CCSER1: variants seen among roughly 807,000 people sequenced by gnomAD.
CCSER1 encodes serine-rich coiled-coil domain-containing protein 1.
In CCSER1, 41 loss-of-function variants were observed where a neutral mutation model predicts 82.0. The observed-to-expected ratio is 0.50, with a 90% CI of 0.39 to 0.65. The LOEUF is 0.65. Ranked by LOEUF, CCSER1 falls within the 30% of genes least tolerant of loss-of-function variation. The pLI is 0.00. For missense variants in CCSER1, 1,119 were observed against 1,064.2 expected (o/e 1.05, Z -0.72); for synonymous variants, 414 against 383.9 (o/e 1.08, Z -0.92).
chr4:90,379,175 C>A (rs1328740593), intron 3 of CCSER1, among the ~76,000 whole-genome samples: 1 of 152,170 alleles, frequency 6.6e-6, no homozygotes, highest in African/African-American at 2.4e-5. Flanking sequence ...TTGGGTCCGG[C>A]AGCTCTTCAG....
chr4:91,081,435 G>A (rs1417442355), intron 9 of CCSER1, among the ~76,000 whole-genome samples: 1 of 152,120 alleles, frequency 6.6e-6, no homozygotes, highest in Non-Finnish European at 1.5e-5. Context: ...AGCTATTTAT[G>A]ACAAACCCAC....
intron 8 of CCSER1, among the ~76,000 whole-genome samples, chr4:90,837,946 T>G (rs1285008469): frequency 1.3e-5 from 2 of 152,176 alleles, no homozygotes; most frequent in Admixed American, 1.3e-4. Flanking sequence ...GTGCTTAGTT[T>G]TTTTAGAATT....
intron 7 of CCSER1, among the ~76,000 whole-genome samples, chr4:90,793,037 A>AAAAAC (rs1755487436): frequency 6.6e-6 from 1 of 152,204 alleles, no homozygotes; most frequent in Non-Finnish European, 1.5e-5. Flanking sequence ...TTTAAAAAAT[A>AAAAAC]AAAACAAAAC....
chr4:91,113,518 A>T (rs527628742), intron 10 of CCSER1, among the ~76,000 whole-genome samples: 1 of 152,220 alleles, frequency 6.6e-6, no homozygotes, highest in Non-Finnish European at 1.5e-5. Flanking sequence ...TTCTGCCATC[A>T]AGCCCGTGGT....
intron 1 of CCSER1, among the ~76,000 whole-genome samples, chr4:90,140,785 C>T (rs2153335496): frequency 6.6e-6 from 1 of 150,418 alleles, no homozygotes; most frequent in East Asian, 2.0e-4. Flanking sequence ...CTGCCTCTGC[C>T]TCCTGAGTAG....
chr4:90,750,638 G>A lies in CCSER1; in HGVS notation c.2010+26647G>A, dbSNP rs1561070210. Among the ~76,000 whole-genome samples the A allele has an allele frequency of 2.0e-5, 3 of 152,024 alleles. No homozygotes were observed. The South Asian group carries it at 6.2e-4, about 32-fold the overall frequency. ...TGCTCCTCTCTTTATACTTTCTGCC[G>A]ATATAGAGATATTTAGTATTAATGT... is the stretch of plus-strand genomic sequence containing the variant. On this transcript the variant is annotated intron_variant, in intron 7 of 10. Coordinates refer to ENST00000509176, the MANE Select transcript of CCSER1 (RefSeq NM_001145065.2).
intron 10 of CCSER1, among the ~76,000 whole-genome samples, chr4:91,145,545 G>T (rs973501262): frequency 3.9e-5 from 6 of 152,034 alleles, no homozygotes; most frequent in African/African-American, 1.4e-4. Context: ...ACATTTTAGG[G>T]TCTGTGGGCT....
chr4:90,648,297 G>GAAAGGAAAGAAAGAAAGAAAGA (rs1553969719), intron 6 of CCSER1, among the ~76,000 whole-genome samples: 1 of 142,268 alleles, frequency 7.0e-6, no homozygotes, highest in Non-Finnish European at 1.5e-5. Context: ...AAGAAAGAAA[G>GAAAGGAAAGAAAGAAAGAAAGA]AAAGAAAGAA....
rs570867891 is a variant in CCSER1 at position 91,059,727 on chromosome 4, T to G, written c.2173-26223T>G. 3.2e-4 allele frequency among the ~76,000 whole-genome samples: 48 copies of G among 152,064 alleles called. 1 individual carries two copies. The South Asian group carries it at 9.5e-3, about 30-fold the overall frequency. ...TTGTGACCATGTGACCACTTCCTAG[T>G]TTTTAGAAAAACTAATTCCACCTAG... On this transcript the variant is annotated intron_variant, in intron 9 of 10. Coordinates refer to ENST00000509176, the MANE Select transcript of CCSER1 (RefSeq NM_001145065.2).
chr4:91,246,207 T>A (rs1420742662), intron 10 of CCSER1, among the ~76,000 whole-genome samples: 2 of 152,166 alleles, frequency 1.3e-5, no homozygotes, highest in Non-Finnish European at 2.9e-5. Context: ...AACAGAAAGT[T>A]AAAAAGCAGG....
chr4:91,042,673 C>T (rs1742072043), intron 9 of CCSER1, among the ~76,000 whole-genome samples: 1 of 152,022 alleles, frequency 6.6e-6, no homozygotes, highest in Admixed American at 6.6e-5. Flanking sequence ...AGTTGTTCTG[C>T]AAGAAACAGG....
intron 5 of CCSER1, among the ~76,000 whole-genome samples, chr4:90,509,559 C>T (rs1426708526): frequency 6.6e-6 from 1 of 152,052 alleles, no homozygotes; most frequent in Non-Finnish European, 1.5e-5. Flanking sequence ...AGCCAAGTAC[C>T]ATCTTTAACC....
intron 9 of CCSER1, among the ~76,000 whole-genome samples, chr4:91,029,759 T>A (rs535161101): frequency 6.6e-6 from 1 of 152,230 alleles, no homozygotes; most frequent in South Asian, 2.1e-4. Flanking sequence ...TCTACATCAA[T>A]GAGCTGTTCT....
intron 7 of CCSER1, among the ~76,000 whole-genome samples, chr4:90,759,479 C>T (rs2149514019): frequency 6.6e-6 from 1 of 152,240 alleles, no homozygotes; most frequent in South Asian, 2.1e-4. Flanking sequence ...CAGAATTGTG[C>T]TGGTAAACAT....
At position 91,197,807 on chromosome 4, in the gene CCSER1, C is replaced by T. The variant is rs1021352217; in HGVS notation, c.2217+111813C>T. On this transcript the variant is annotated intron_variant, in intron 10 of 10. Coordinates refer to ENST00000509176, the MANE Select transcript of CCSER1 (RefSeq NM_001145065.2). Reference sequence around the variant, plus strand: ...GTATCTCATCTTTTCTTAGTCTTGACATTCACACAGCTTTTTGGTTATAAT... The same window carrying T: ...GTATCTCATCTTTTCTTAGTCTTGATATTCACACAGCTTTTTGGTTATAAT... Among the ~76,000 whole-genome samples the T allele has an allele frequency of 2.0e-5, 3 of 152,256 alleles. No homozygotes were observed. The South Asian group carries it at 6.2e-4, about 32-fold the overall frequency.
chr4:90,918,209 G>T (rs1375160838), intron 8 of CCSER1: 2 of 454,556 alleles, frequency 4.4e-6, no homozygotes, highest in Non-Finnish European at 4.4e-6. Context: ...ATTAATGTGT[G>T]TACATTTCTT....
intron 9 of CCSER1, among the ~76,000 whole-genome samples, chr4:90,961,989 A>G (rs1310034973): frequency 6.6e-6 from 1 of 152,116 alleles, no homozygotes; most frequent in African/African-American, 2.4e-5. Flanking sequence ...AACAAAAACA[A>G]AAAACATTGT....
intron 10 of CCSER1, among the ~76,000 whole-genome samples, chr4:91,442,344 C>G (rs1271860856): frequency 6.6e-6 from 1 of 152,068 alleles, no homozygotes; most frequent in Non-Finnish European, 1.5e-5. Context: ...TGATCTTTGA[C>G]AAACCTGACA....
At chr4:90,581,238 T>C (rs1781385792) in intron 5 of CCSER1, among the ~76,000 whole-genome samples, 1 of 152,140 alleles carries the variant, frequency 6.6e-6, no homozygotes, top group African/African-American at 2.4e-5. Context: ...TGTGAATGAA[T>C]CAGCACTAAC....
Sources: allele counts gnomAD v4.1 joint callset (sites outside exome capture counted in the v4.1 genomes callset), GRCh38; gene constraint gnomAD v4.1.1; transcripts MANE v1.5; gene names NCBI Gene and HGNC (gene_info 2026-07-23, HGNC 2026-07-21).